The following KAZN variants were observed in gnomAD, a reference collection of about 807,000 sequenced individuals.
KAZN encodes the protein kazrin, periplakin interacting protein.
A neutral mutation model predicts 87.4 loss-of-function variants in KAZN; 40 were observed. That is an observed-to-expected ratio of 0.46 (90% CI 0.36 to 0.60). KAZN has a LOEUF of 0.60. KAZN is among the 20% of genes least tolerant of loss of function. KAZN has a pLI of 0.00. For synonymous variants in KAZN, 466 were observed against 458.3 expected, an observed-to-expected ratio of 1.02 and a Z score of -0.22; for missense variants, 898 against 1,073.9, an observed-to-expected ratio of 0.84 and a Z score of 2.29.
At chr1:14,786,607 C>T (rs1468069819) in intron 1 of KAZN, among the ~76,000 whole-genome samples, 5 of 152,210 alleles carry the variant, frequency 3.3e-5, no homozygotes, top group South Asian at 2.1e-4. Flanking sequence ...AGAAAGGCCA[C>T]GGCTCTGCAT....
In KAZN at chr1:15,066,178, C is replaced by T. The variant is rs1639211303; in HGVS notation, c.1222+425C>T. ...TTGTTTTTTTCCCCCTTTCTCCTCC[C>T]CTCCTCCTTTTTATGAAACTTGAAA... is the stretch of plus-strand genomic sequence containing the variant. On this transcript the variant is annotated intron_variant, in intron 8 of 14. Transcript: ENST00000376030. This position sits in a 1 kb window ranked among gnomAD's most constrained non-coding sequence, Gnocchi z 4.3. The T allele has an allele frequency of 4.0e-6, 4 of 1,005,866 alleles. No homozygotes were observed. The highest frequency in any genetic ancestry group is 4.7e-6 in the Non-Finnish European group (4 of 843,906). 62.3% of individuals were successfully genotyped at this position (1,005,866 alleles called of 1,614,324 possible).
chr1:14,771,693 G>T (rs551034174), intron 1 of KAZN, among the ~76,000 whole-genome samples: 4 of 152,050 alleles, frequency 2.6e-5, no homozygotes, highest in Non-Finnish European at 5.9e-5. Flanking sequence ...AGGCCTGGTG[G>T]CAGGTGCCTC....
chr1:14,319,825 CTCCCTG>C (rs1334215300), intron 2 of KAZN, among the ~76,000 whole-genome samples: 2 of 152,166 alleles, frequency 1.3e-5, no homozygotes, highest in African/African-American at 4.8e-5. Context: ...GATAAACCCA[CTCCCTG>C]TTTTTCTATT....
intron 1 of KAZN, among the ~76,000 whole-genome samples, chr1:14,080,271 T>G (rs2101587537): frequency 1.9e-5 from 1 of 53,178 alleles, no homozygotes. Flanking sequence ...CTCATATAAC[T>G]AATCTTTCAC....
chr1:14,887,599 T>G (rs978247997), intron 1 of KAZN, among the ~76,000 whole-genome samples: 4 of 151,870 alleles, frequency 2.6e-5, no homozygotes, highest in Admixed American at 6.6e-5. Context: ...CAACCTTCCC[T>G]GCAATTTTCC....
intron 2 of KAZN, among the ~76,000 whole-genome samples, chr1:14,560,709 G>A (rs190952407): frequency 1.3e-5 from 2 of 152,262 alleles, no homozygotes; most frequent in African/African-American, 4.8e-5. Flanking sequence ...TGGTGGTGAT[G>A]ATGATGATAA....
chr1:13,973,340 A>G (rs1053099776), intron 1 of KAZN, among the ~76,000 whole-genome samples: 1 of 151,986 alleles, frequency 6.6e-6, no homozygotes, highest in African/African-American at 2.4e-5. Context: ...TAGGAGGCTG[A>G]CCCCTGTGGA....
At chr1:14,251,643 C>CTTTTTTTTTTTTTTTT (rs549092023) in intron 2 of KAZN, among the ~76,000 whole-genome samples, 10 of 90,342 alleles carry the variant, frequency 1.1e-4, no homozygotes, top group East Asian at 4.7e-4. Context: ...TTCTCCCGGA[C>CTTTTTTTTTTTTTTTT]TTTTTTTTTT....
chr1:14,043,561 A>G (rs1641929894), intron 1 of KAZN, among the ~76,000 whole-genome samples: 1 of 152,098 alleles, frequency 6.6e-6, no homozygotes, highest in Non-Finnish European at 1.5e-5. Flanking sequence ...CTACCAGCAA[A>G]GCAAAACTGT....
At position 14,923,275 on chromosome 1, in the gene KAZN, ATAAT is replaced by A. The variant is rs1294571126; in HGVS notation, c.227-37406_227-37403del. ...ACCTGCCTCCTGGGGCTGTAAGGAG[ATAAT>A]TAGTCTTTCTAAACAGCATCGTAAT... On this transcript the variant is annotated intron_variant, in intron 1 of 14. Transcript: ENST00000376030. The surrounding 1 kb of genome is among the most constrained non-coding windows in gnomAD (Gnocchi z 4.2). Among the ~76,000 whole-genome samples, 1 of 152,102 alleles carries A rather than the reference ATAAT, an allele frequency of 6.6e-6. No homozygotes were observed. The highest frequency in any genetic ancestry group is 1.5e-5 in the Non-Finnish European group (1 of 68,032).
chr1:14,572,748 C>T (rs562052232), intron 2 of KAZN, among the ~76,000 whole-genome samples: 2 of 152,166 alleles, frequency 1.3e-5, no homozygotes, highest in South Asian at 2.1e-4. Flanking sequence ...AGCGGCCCCC[C>T]ACTCCCCTGG....
At chr1:14,082,316 T>C (rs181187594) in intron 1 of KAZN, among the ~76,000 whole-genome samples, 146 of 152,336 alleles carry the variant, frequency 9.6e-4, no homozygotes, top group African/African-American at 3.5e-3. Context: ...TCTTACTGCA[T>C]GTCCTCTTCT....
chr1:14,462,437 C>A (rs1049166454), intron 2 of KAZN, among the ~76,000 whole-genome samples: 18 of 152,228 alleles, frequency 1.2e-4, no homozygotes, highest in Middle Eastern at 3.4e-3. Flanking sequence ...TTTTAATTAA[C>A]CCCACTGATA....
At chr1:13,965,920 C>T (rs537794131) in intron 1 of KAZN, among the ~76,000 whole-genome samples, 2 of 152,252 alleles carry the variant, frequency 1.3e-5, no homozygotes, top group Admixed American at 6.5e-5. Context: ...CCAAGCTGAA[C>T]GTCCTCCTGC....
intron 2 of KAZN, among the ~76,000 whole-genome samples, chr1:14,979,364 G>C (rs1666002669): frequency 6.6e-6 from 1 of 151,998 alleles, no homozygotes; most frequent in Non-Finnish European, 1.5e-5. Context: ...AGCCGAGATC[G>C]CACCACTGCA....
At chr1:14,343,005 G>C (rs920595448) in intron 2 of KAZN, among the ~76,000 whole-genome samples, 3 of 152,112 alleles carry the variant, frequency 2.0e-5, no homozygotes, top group Admixed American at 6.5e-5. Context: ...GCCTGGCGTG[G>C]TGGCAGGCGC....
chr1:14,425,712 T>G (rs1665683605), intron 2 of KAZN, among the ~76,000 whole-genome samples: 1 of 152,162 alleles, frequency 6.6e-6, no homozygotes. Context: ...CTGAGCTGAT[T>G]GCTCCACCTG....
At chr1:14,879,163 G>A (rs1653065600) in intron 1 of KAZN, among the ~76,000 whole-genome samples, 1 of 152,184 alleles carries the variant, frequency 6.6e-6, no homozygotes, top group Non-Finnish European at 1.5e-5. Flanking sequence ...CAGCTGCGTC[G>A]GTCCCTGAGT....
intron 2 of KAZN, among the ~76,000 whole-genome samples, chr1:14,552,383 C>A (rs1673588757): frequency 6.6e-6 from 1 of 152,346 alleles, no homozygotes; most frequent in Non-Finnish European, 1.5e-5. Flanking sequence ...GGGAGGAGGG[C>A]AGCTGCCTCC....
Sources: allele counts gnomAD v4.1 joint callset (sites outside exome capture counted in the v4.1 genomes callset), GRCh38; gene constraint gnomAD v4.1.1; non-coding constraint Gnocchi (gnomAD v3.1); transcripts MANE v1.5; gene names NCBI Gene and HGNC (gene_info 2026-07-23, HGNC 2026-07-21).